The following ARID1B variants were observed in gnomAD, a reference collection of about 807,000 sequenced individuals.
ARID1B encodes AT-rich interactive domain-containing protein 1B.
Under a neutral mutation model 212.3 loss-of-function variants are expected in ARID1B, and 30 were observed. The ratio of observed to expected loss-of-function variants is 0.14; its 90% CI spans 0.11 to 0.19. ARID1B has a LOEUF of 0.19. Ranked by LOEUF, ARID1B falls within the 10% of genes least tolerant of loss-of-function variation. The pLI is 1.00. For missense variants in ARID1B, 2,891 were observed against 3,204.0 expected (o/e 0.90, Z 2.36); for synonymous variants, 1,402 against 1,301.7 (o/e 1.08, Z -1.66).
intron 2 of ARID1B, among the ~76,000 whole-genome samples, chr6:156,856,700 T>TCACACACACA (rs141705209): frequency 1.7e-5 from 2 of 114,648 alleles, no homozygotes; most frequent in African/African-American, 3.5e-5. Flanking sequence ...TCTCTCTCTC[T>TCACACACACA]CACACACACA....
At chr6:157,054,833 G>A (rs965179410) in intron 4 of ARID1B, among the ~76,000 whole-genome samples, 1 of 152,124 alleles carries the variant, frequency 6.6e-6, no homozygotes, top group Non-Finnish European at 1.5e-5. Context: ...GTCTATTCAC[G>A]TGTACCTCCC....
intron 1 of ARID1B, chr6:156,780,504 G>C (rs1014800977): frequency 1.3e-5 from 2 of 152,272 alleles, no homozygotes; most frequent in Non-Finnish European, 2.9e-5. Flanking sequence ...TAAACTGGCT[G>C]TAATAGTCTC....
At chr6:156,943,754 T>A (rs1387956333) in intron 4 of ARID1B, 3 of 152,244 alleles carry the variant, frequency 2.0e-5, no homozygotes, top group Non-Finnish European at 4.4e-5. Context: ...GCTCTTGATT[T>A]AACCTGATTA....
chr6:157,035,439 T>C (rs1482598563), intron 4 of ARID1B, among the ~76,000 whole-genome samples: 1 of 152,192 alleles, frequency 6.6e-6, no homozygotes, highest in African/African-American at 2.4e-5. Flanking sequence ...TAAAAAATAG[T>C]TGAGGTTAGT....
rs10536002 is a variant in ARID1B, at chr6:157,000,696, C to CTTTTTTTTTTTT, written c.2247+65129_2247+65140dup. Among the ~76,000 whole-genome samples, 63 of 99,202 alleles carry CTTTTTTTTTTTT rather than the reference C, an allele frequency of 6.4e-4. 2 individuals are homozygous for CTTTTTTTTTTTT. Among genetic ancestry groups the CTTTTTTTTTTTT allele is most frequent in the Middle Eastern group, 5.4e-3 (1 of 186 alleles). 65.1% of individuals were successfully genotyped at this position (99,202 alleles called of 152,430 possible). A position where few individuals can be genotyped will look rare whatever the true frequency, so the allele number is the denominator to read the frequency against. ...TTCTAAACACCCATTTCTAATTATT[C>CTTTTTTTTTTTT]TTTTTTTTTTTTTTTTTTTTGAGAC... On this transcript the variant is annotated intron_variant, in intron 4 of 19. Coordinates refer to ENST00000636930, the MANE Select transcript of ARID1B (RefSeq NM_001374828.1).
At chr6:157,023,588 T>A (rs1780464262) in intron 4 of ARID1B, 1 of 152,244 alleles carries the variant, frequency 6.6e-6, no homozygotes, top group South Asian at 2.1e-4. Flanking sequence ...TTGCTCATAA[T>A]GGGTCTGACG....
chr6:156,926,952 T>C (rs112335196), intron 3 of ARID1B, among the ~76,000 whole-genome samples: 4,936 of 152,248 alleles, frequency 0.032, 274 homozygotes, highest in African/African-American at 0.11. Context: ...AGCACTGAGA[T>C]TACAGGTGTG....
intron 1 of ARID1B, among the ~76,000 whole-genome samples, chr6:156,818,160 A>G (rs1782107148): frequency 9.3e-6 from 1 of 107,672 alleles, no homozygotes; most frequent in South Asian, 3.0e-4. Flanking sequence ...AGTCATGTTA[A>G]CTTGTTTTTC....
At chr6:156,848,923 TAACCAAGGAGACAA>T (rs1784405319) in intron 2 of ARID1B, among the ~76,000 whole-genome samples, 2 of 152,338 alleles carry the variant, frequency 1.3e-5, no homozygotes, top group South Asian at 4.1e-4. Context: ...TTTGTTACAA[TAACCAAGGAGACAA>T]CTTTGAGTAA....
intron 4 of ARID1B, among the ~76,000 whole-genome samples, chr6:157,032,421 A>C (rs1341022038): frequency 1.1e-4 from 16 of 152,198 alleles, no homozygotes; most frequent in South Asian, 6.2e-4. Context: ...GGTAGATCAC[A>C]AATTATAACT....
At chr6:157,179,424 G>A (rs1279806266) in intron 11 of ARID1B, among the ~76,000 whole-genome samples, 1 of 151,784 alleles carries the variant, frequency 6.6e-6, no homozygotes. Flanking sequence ...AAATTTATTT[G>A]GATATATAGT....
At chr6:157,048,134 C>T (rs1166652029) in intron 4 of ARID1B, among the ~76,000 whole-genome samples, 2 of 152,152 alleles carry the variant, frequency 1.3e-5, no homozygotes, top group Non-Finnish European at 2.9e-5. Flanking sequence ...TCTTCCCAAG[C>T]CATGTCAATT....
intron 6 of ARID1B, among the ~76,000 whole-genome samples, chr6:157,122,966 G>GA (rs1787846853): frequency 1.3e-5 from 2 of 152,134 alleles, no homozygotes; most frequent in South Asian, 2.1e-4. Flanking sequence ...ACAGGCATGA[G>GA]CCACCGTGCC....
chr6:156,784,970 G>T (rs1779536983), intron 1 of ARID1B, among the ~76,000 whole-genome samples: 1 of 152,112 alleles, frequency 6.6e-6, no homozygotes, highest in Non-Finnish European at 1.5e-5. Flanking sequence ...ATGTTGCCCA[G>T]GCTGGTCTCG....
At chr6:156,944,356 T>C (rs2128291629) in intron 4 of ARID1B, among the ~76,000 whole-genome samples, 1 of 152,298 alleles carries the variant, frequency 6.6e-6, no homozygotes, top group Middle Eastern at 3.4e-3. Context: ...ATAATCTTAC[T>C]ATGCAGGCCA....
At chr6:156,934,343 G>A (rs1791985507) in intron 3 of ARID1B, among the ~76,000 whole-genome samples, 1 of 152,136 alleles carries the variant, frequency 6.6e-6, no homozygotes, top group Admixed American at 6.6e-5. Flanking sequence ...TACAGTAAAT[G>A]TGGTGTGGTG....
At chr6:156,919,587 G>T (rs1790622286) in intron 3 of ARID1B, among the ~76,000 whole-genome samples, 1 of 152,220 alleles carries the variant, frequency 6.6e-6, no homozygotes, top group African/African-American at 2.4e-5. Context: ...GCTTAGCCCA[G>T]TTTAACTGAA....
chr6:157,012,524 T>C (rs939271423), intron 4 of ARID1B, among the ~76,000 whole-genome samples: 2 of 152,208 alleles, frequency 1.3e-5, no homozygotes, highest in Non-Finnish European at 2.9e-5. Flanking sequence ...GAGGCTGCCT[T>C]TATGCAACTG....
At chr6:156,834,038 T>G in intron 2 of ARID1B, among the ~76,000 whole-genome samples, 1 of 152,226 alleles carries the variant, frequency 6.6e-6, no homozygotes, top group Non-Finnish European at 1.5e-5. Context: ...CTGTGTTAAT[T>G]TATATTGTTG....
Sources: allele counts gnomAD v4.1 joint callset (sites outside exome capture counted in the v4.1 genomes callset), GRCh38; gene constraint gnomAD v4.1.1; transcripts MANE v1.5; gene names NCBI Gene and HGNC (gene_info 2026-07-23, HGNC 2026-07-21).